Variants in DHX16 observed in about 807,000 individuals in gnomAD.
DHX16 encodes pre-mRNA-splicing factor ATP-dependent RNA helicase DHX16.
A neutral mutation model predicts 131.2 loss-of-function variants in DHX16; 81 were observed. The observed-to-expected ratio is 0.62, with a 90% CI of 0.52 to 0.74. The LOEUF (loss-of-function observed/expected upper bound fraction) is 0.74. Ranked by LOEUF, DHX16 falls within the 30% of genes least tolerant of loss-of-function variation. The pLI is 0.00. For synonymous variants in DHX16, 440 were observed against 520.2 expected (o/e 0.85, Z 2.10); for missense variants, 980 against 1,363.1 (o/e 0.72, Z 4.43).
intron 1 of DHX16, among the ~76,000 whole-genome samples, chr6:30,672,252 G>T (rs1354336782): frequency 6.6e-6 from 1 of 151,496 alleles, no homozygotes; most frequent in Non-Finnish European, 1.5e-5. Context: ...CAGGGAGGTC[G>T]ACGCTGTAGT....
intron 18 of DHX16, 89 bp from the exon 19 acceptor site, chr6:30,654,968 G>A: frequency 2.1e-6 from 3 of 1,454,584 alleles, no homozygotes; most frequent in African/African-American, 1.4e-5. Flanking sequence ...CAGGCTTCAG[G>A]AAAACTAGAG....
In DHX16 at chr6:30,665,119, C is replaced by G. The variant is rs375186453; in HGVS notation, c.1077G>C (p.Glu359Asp). The change falls in exon 6 of 20, where the codon GAG (glutamate) becomes GAC (aspartate). Residue 359 changes from glutamate to aspartate, a missense_variant. By Grantham distance (45) the Glu-to-Asp change is conservative. Coordinates refer to ENST00000376442, the MANE Select transcript of DHX16 (RefSeq NM_003587.5). The surrounding 1 kb of genome is among the most constrained non-coding windows in gnomAD (Gnocchi z 4.8). ...CCCGGACAAACTCAATGGTCTCCTC[C>G]TCCTCCAGCACCAGTTGATACTTGG... ...QEPKYQLVLE[E>D]EETIEFVRAT... is the part of the protein sequence containing the mutation. 6.2e-7 allele frequency: 1 copy of G among 1,613,934 alleles called. No individual in the cohort carries two copies. Among genetic ancestry groups the G allele is most frequent in the African/African-American group, 1.3e-5 (1 of 74,900 alleles).
Position 30,665,823 on chromosome 6 carries a change from A to C in DHX16, c.667-90T>G. The C allele has an allele frequency of 1.3e-6, 2 of 1,507,560 alleles. No homozygotes were observed. The highest frequency in any genetic ancestry group is 1.8e-6 in the Non-Finnish European group (2 of 1,130,070). The allele number at this position is 1,507,560 out of a possible 1,614,324, so 93.4% of individuals were successfully genotyped here. A position where few individuals can be genotyped will look rare whatever the true frequency, so the allele number is the denominator to read the frequency against. ...CCCTACAAGGGAAAAATCCCCTGACAGGCAGGCATGAGAACCTCAGGATGC... is the reference window on the plus strand; with the variant it reads ...CCCTACAAGGGAAAAATCCCCTGACCGGCAGGCATGAGAACCTCAGGATGC... On this transcript the variant is annotated intron_variant, in intron 4 of 19. Transcript: ENST00000376442. The surrounding 1 kb of genome is among the most constrained non-coding windows in gnomAD (Gnocchi z 4.8).
rs746398791 is a variant in DHX16, at chr6:30,665,692, A to C, written c.708T>G (p.Ala236=). 10 of 1,612,104 alleles carry C rather than the reference A, an allele frequency of 6.2e-6. No homozygotes were observed. Among genetic ancestry groups the C allele is most frequent in the East Asian group, 2.2e-5 (1 of 44,888 alleles). ...LRKKSRREYL[A]KREREKLEDL... is the part of the protein sequence containing the mutation. Reference sequence around the variant, plus strand: ...CCTCAAGCTTCTCTCGCTCCCGCTTAGCCAGGTACTCTCGGCGAGATTTCT... The same window carrying C: ...CCTCAAGCTTCTCTCGCTCCCGCTTCGCCAGGTACTCTCGGCGAGATTTCT... The change falls in exon 5 of 20, where the codon GCT becomes GCG. Residue 236 remains alanine, a synonymous_variant. Coordinates refer to ENST00000376442, the MANE Select transcript of DHX16 (RefSeq NM_003587.5). This position sits in a 1 kb window ranked among gnomAD's most constrained non-coding sequence, Gnocchi z 4.8.
Position 30,660,055 on chromosome 6 carries a change from G to A in DHX16, c.1732C>T (p.Pro578Ser). 6.2e-7 allele frequency: 1 copy of A among 1,612,802 alleles called. No homozygotes were observed. Among genetic ancestry groups the A allele is most frequent in the Non-Finnish European group, 8.5e-7 (1 of 1,179,890 alleles). ...ACCTTGGTGTAGAAGATGTCCACAGGAAACCTGCGTCCGGGGATTCGAAAC... is the reference window on the plus strand; with the variant it reads ...ACCTTGGTGTAGAAGATGTCCACAGAAAACCTGCGTCCGGGGATTCGAAAC... ...PVFRIPGRRF[P>S]VDIFYTKAPE... The change falls in exon 10 of 20, where the codon CCT becomes TCT. Residue 578 changes from proline to serine, a missense_variant. Pro to Ser is a moderately conservative substitution (Grantham distance 74). Coordinates refer to ENST00000376442, the MANE Select transcript of DHX16 (RefSeq NM_003587.5).
At chr6:30,669,419 TCC>T (rs1184386295) in intron 4 of DHX16, among the ~76,000 whole-genome samples, 1 of 150,928 alleles carries the variant, frequency 6.6e-6, no homozygotes, top group African/African-American at 2.4e-5. Context: ...AGAGTGAGAC[TCC>T]ATCTCAAAAA....
At chr6:30,658,446 G>A (rs1582935457) in intron 12 of DHX16, among the ~76,000 whole-genome samples, 1 of 151,764 alleles carries the variant, frequency 6.6e-6, no homozygotes, top group African/African-American at 2.4e-5. Flanking sequence ...GGGGGGCTGA[G>A]ACAGGAGAAT....
At chr6:30,655,131 G>A in intron 18 of DHX16, 44 bp downstream of exon 18, 8 of 1,611,544 alleles carry the variant, frequency 5.0e-6, no homozygotes, top group Non-Finnish European at 5.9e-6. Flanking sequence ...TTGCTCCTGG[G>A]AAGGTACTGG....
At chr6:30,664,699 T>C (rs1768846121) in intron 7 of DHX16, 102 bp downstream of exon 7, 19 of 1,042,016 alleles carry the variant, frequency 1.8e-5, no homozygotes, top group Non-Finnish European at 2.2e-5. Flanking sequence ...GTGGAAAAGA[T>C]AGGTAAGTGA....
chr6:30,658,542 CAAA>C (rs538072025), intron 12 of DHX16, among the ~76,000 whole-genome samples: 6 of 82,094 alleles, frequency 7.3e-5, no homozygotes, highest in Non-Finnish European at 9.5e-5. Context: ...GACTCCATCT[CAAA>C]AAAAAAAAAA....
intron 12 of DHX16, 24 bp from the exon 13 acceptor site, chr6:30,657,116 C>T (rs1424789379): frequency 1.3e-6 from 2 of 1,589,140 alleles, no homozygotes; most frequent in Non-Finnish European, 1.7e-6. Context: ...TATGGGGTCA[C>T]CCAGTGACCC....
At chr6:30,672,504 T>G in intron 1 of DHX16, 131 bp downstream of exon 1, 3 of 828,304 alleles carry the variant, frequency 3.6e-6, no homozygotes, top group Non-Finnish European at 5.6e-6. Flanking sequence ...GTCCAGCAGC[T>G]AGCACAGTAC....
chr6:30,661,841 C>G (rs575933260), intron 9 of DHX16: 1 of 717,950 alleles, frequency 1.4e-6, no homozygotes, highest in Middle Eastern at 2.3e-4. Context: ...CACTCTTGCG[C>G]TGGCTGGCTC....
Position 30,662,640 on chromosome 6 carries a change from G to T in DHX16, c.1531C>A (p.Leu511Met). ...GATTAGAGATACCTGTAACTCGCCA[G>T]GTCAGGCTCAGAGAGGAACTCCCGG... is the stretch of plus-strand genomic sequence containing the variant. ...LLREFLSEPD[L>M]ASYSVVMVDE... The change falls in exon 9 of 20, where the codon CTG becomes ATG. Residue 511 changes from leucine to methionine, a missense_variant. This residue lies in a region of DHX16 where 309 missense variants were observed against 537.1 expected (regional missense o/e 0.58). Coordinates refer to ENST00000376442, the MANE Select transcript of DHX16 (RefSeq NM_003587.5). The surrounding 1 kb of genome is among the most constrained non-coding windows in gnomAD (Gnocchi z 4.7). 1.2e-6 allele frequency: 2 copies of T among 1,613,016 alleles called. No homozygotes were observed. Among genetic ancestry groups the T allele is most frequent in the Non-Finnish European group, 1.7e-6 (2 of 1,179,922 alleles).
intron 16 of DHX16, 108 bp from the exon 17 acceptor site, chr6:30,655,705 G>A: frequency 1.4e-5 from 19 of 1,330,444 alleles, no homozygotes; most frequent in Non-Finnish European, 1.9e-5. Context: ...TGTGGGGAAG[G>A]CTGGTTGGCA....
Position 30,662,509 on chromosome 6 carries a change from G to T in DHX16, c.1544+118C>A. On this transcript the variant is annotated intron_variant, in intron 9 of 19. Coordinates refer to ENST00000376442, the MANE Select transcript of DHX16 (RefSeq NM_003587.5). This position sits in a 1 kb window ranked among gnomAD's most constrained non-coding sequence, Gnocchi z 4.7. ...CAGCCCCATCTCCGTGGTACCTGGA[G>T]GTCAGTTCAAGGACCATTTGAACCA... 2 of 790,654 alleles carry T rather than the reference G, an allele frequency of 2.5e-6. No homozygotes were observed. The highest frequency in any genetic ancestry group is 2.3e-4 in the Middle Eastern group (1 of 4,400). The allele number at this position is 790,654 out of a possible 1,614,324, so 49.0% of individuals were successfully genotyped here.
intron 18 of DHX16, 37 bp downstream of exon 18, chr6:30,655,138 C>T (rs1320167537): frequency 4.9e-5 from 79 of 1,613,082 alleles, no homozygotes; most frequent in Non-Finnish European, 6.5e-5. Context: ...TGGGAAGGTA[C>T]TGGGGGTGGA....
In DHX16 at chr6:30,671,006, C is replaced by T. The variant is rs193276018; in HGVS notation, c.446+30G>A. The stretch of plus-strand genomic sequence containing the variant: ...GGCATAGAGAACACTTCAGCCTGCC[C>T]CATCCTCTCTCACCCTGCTTCTGAC... On this transcript the variant is annotated intron_variant, in intron 2 of 19. Transcript: ENST00000376442. 2.3e-5 allele frequency: 37 copies of T among 1,612,974 alleles called. No homozygotes were observed. The East Asian group carries it at 7.1e-4, about 31-fold the overall frequency.
chr6:30,672,731 G>A lies in DHX16; in HGVS notation c.111C>T (p.Cys37=), dbSNP rs189773364. 1.2e-6 allele frequency: 2 copies of A among 1,613,014 alleles called. No homozygotes were observed. The highest frequency in any genetic ancestry group is 2.7e-5 in the African/African-American group (2 of 75,038). ...GCTGCACGAACTCCTCGGCAGAGGTGCAGCGCTGTGCGGTACCGATCAGAA... is the reference window on the plus strand; with the variant it reads ...GCTGCACGAACTCCTCGGCAGAGGTACAGCGCTGTGCGGTACCGATCAGAA... ...AQFLIGTAQR[C]TSAEEFVQRL... Residue 37 remains cysteine (C), a synonymous_variant, in exon 1 of 20, where the codon TGC becomes TGT. Coordinates refer to ENST00000376442, the MANE Select transcript of DHX16 (RefSeq NM_003587.5).
Sources: allele counts gnomAD v4.1 joint callset (sites outside exome capture counted in the v4.1 genomes callset), GRCh38; gene constraint gnomAD v4.1.1; regional missense constraint gnomAD v4.1.1; non-coding constraint Gnocchi (gnomAD v3.1); transcripts MANE v1.5; gene names NCBI Gene and HGNC (gene_info 2026-07-23, HGNC 2026-07-21).